Variants in DLG2 observed in about 807,000 individuals in gnomAD.
DLG2 encodes disks large homolog 2.
In DLG2, 45 loss-of-function variants were observed where a neutral mutation model predicts 132.5. That is an observed-to-expected ratio of 0.34 (90% CI 0.27 to 0.44). DLG2 has a LOEUF of 0.44. Ranked by LOEUF, DLG2 falls within the 20% of genes least tolerant of loss-of-function variation. The pLI is 1.00. For missense variants in DLG2, 1,045 were observed against 1,196.9 expected (o/e 0.87, Z 1.87); for synonymous variants, 424 against 419.6 (o/e 1.01, Z -0.13).
chr11:83,917,774 T>C (rs1269156603), intron 15 of DLG2, among the ~76,000 whole-genome samples: 3 of 152,238 alleles, frequency 2.0e-5, no homozygotes, highest in Non-Finnish European at 4.4e-5. Context: ...GAATGTCTAC[T>C]ACGTGCTCAT....
intron 17 of DLG2, among the ~76,000 whole-genome samples, chr11:83,789,305 TAA>T (rs2040859058): frequency 8.8e-6 from 1 of 113,474 alleles, no homozygotes; most frequent in African/African-American, 3.4e-5. Context: ...ATGGGCCATT[TAA>T]AAAGACATAG....
At chr11:85,533,493 T>G (rs1179181361) in intron 3 of DLG2, among the ~76,000 whole-genome samples, 1 of 149,488 alleles carries the variant, frequency 6.7e-6, no homozygotes, top group African/African-American at 2.4e-5. Flanking sequence ...TTTTAATAGC[T>G]GAATAGCATT....
At chr11:83,626,762 A>G (rs1388987821) in intron 19 of DLG2, among the ~76,000 whole-genome samples, 2 of 152,176 alleles carry the variant, frequency 1.3e-5, no homozygotes, top group East Asian at 1.9e-4. Context: ...GGCCTACTGT[A>G]TATGCAGTGA....
At chr11:85,480,894 A>G (rs964732880) in intron 3 of DLG2, among the ~76,000 whole-genome samples, 13 of 152,246 alleles carry the variant, frequency 8.5e-5, no homozygotes, top group Non-Finnish European at 1.9e-4. Context: ...CCACATGCAC[A>G]TTTAAGTAAA....
chr11:85,043,389 T>C (rs2154150819), intron 6 of DLG2, among the ~76,000 whole-genome samples: 1 of 151,980 alleles, frequency 6.6e-6, no homozygotes, highest in African/African-American at 2.4e-5. Flanking sequence ...TAAATACATA[T>C]TGTTTAAATA....
At chr11:83,523,091 A>T (rs1263735355) in intron 21 of DLG2, among the ~76,000 whole-genome samples, 1 of 152,176 alleles carries the variant, frequency 6.6e-6, no homozygotes, top group Non-Finnish European at 1.5e-5. Flanking sequence ...TTTAGCTTTG[A>T]GATAGTTAAA....
rs186430005 is a variant in DLG2, at chr11:84,782,941, A to G, written c.358-248210T>C. On this transcript the variant is annotated intron_variant, in intron 6 of 27. Transcript: ENST00000376104. ...ATCCTCACATATGAGAAACTGCAGT[A>G]GCATCGTGTAGCATCTTGCTGTTTC... is the stretch of plus-strand genomic sequence containing the variant. 2.0e-5 allele frequency among the ~76,000 whole-genome samples: 3 copies of G among 152,268 alleles called. No homozygotes were observed. The East Asian group carries it at 5.8e-4, about 29-fold the overall frequency.
chr11:84,532,803 G>T (rs2099346048), intron 7 of DLG2, among the ~76,000 whole-genome samples: 2 of 152,106 alleles, frequency 1.3e-5, no homozygotes, highest in African/African-American at 2.4e-5. Context: ...ATCTATGGAG[G>T]TTCTTATAGG....
chr11:85,022,561 C>T (rs559529709), intron 6 of DLG2, among the ~76,000 whole-genome samples: 1 of 152,154 alleles, frequency 6.6e-6, no homozygotes, highest in South Asian at 2.1e-4. Flanking sequence ...GCAAGCTATA[C>T]TGTGTACTAG....
Position 84,848,232 on chromosome 11 carries a change from G to A in DLG2, c.357+263429C>T, listed in dbSNP as rs375111112. On this transcript the variant is annotated intron_variant, in intron 6 of 27. Coordinates refer to ENST00000376104, the MANE Select transcript of DLG2 (RefSeq NM_001142699.3). ...GTGACGGCCTGGTGTGGTGGCTCAC[G>A]CTTGTAATCCCAGCACTTTGGGAGG... is the stretch of plus-strand genomic sequence containing the variant. Among the ~76,000 whole-genome samples the A allele has an allele frequency of 1.2e-4, 19 of 152,146 alleles. No individual in the cohort carries two copies. The East Asian group carries it at 1.6e-3, about 12-fold the overall frequency.
intron 7 of DLG2, among the ~76,000 whole-genome samples, chr11:84,290,126 G>T (rs1000135438): frequency 6.6e-6 from 1 of 152,100 alleles, no homozygotes; most frequent in African/African-American, 2.4e-5. Context: ...TCAGATCATG[G>T]TCTTCACTGA....
At chr11:85,162,724 T>A (rs538570170) in intron 4 of DLG2, among the ~76,000 whole-genome samples, 2 of 152,212 alleles carry the variant, frequency 1.3e-5, no homozygotes, top group African/African-American at 4.8e-5. Flanking sequence ...AGTTGTATTA[T>A]GTTAGATGTA....
At chr11:84,091,547 A>C (rs1024936689) in intron 10 of DLG2, among the ~76,000 whole-genome samples, 2 of 152,200 alleles carry the variant, frequency 1.3e-5, no homozygotes, top group Non-Finnish European at 2.9e-5. Context: ...TGGGTGTGAC[A>C]GTATTACCGG....
intron 10 of DLG2, among the ~76,000 whole-genome samples, chr11:84,086,097 C>T (rs918216545): frequency 1.3e-5 from 2 of 152,192 alleles, no homozygotes; most frequent in Admixed American, 6.5e-5. Flanking sequence ...TTACACCATA[C>T]AGACATGGAG....
intron 5 of DLG2, among the ~76,000 whole-genome samples, chr11:85,121,765 A>C (rs2074346037): frequency 1.3e-5 from 2 of 152,186 alleles, no homozygotes; most frequent in African/African-American, 4.8e-5. Context: ...GCTGTCTCTT[A>C]ACTGAATAGT....
In DLG2 at chr11:83,839,860, T is replaced by G. The variant is rs373912908; in HGVS notation, c.1566-6090A>C. On this transcript the variant is annotated intron_variant, in intron 16 of 27. Coordinates refer to ENST00000376104, the MANE Select transcript of DLG2 (RefSeq NM_001142699.3). Reference sequence around the variant, plus strand: ...TGCCTTGCACTCTTCTCTCTCTGAATGTCATGGTATCTACTCCAACCCCTT... The same window carrying G: ...TGCCTTGCACTCTTCTCTCTCTGAAGGTCATGGTATCTACTCCAACCCCTT... Among the ~76,000 whole-genome samples, 15 of 152,352 alleles carry G rather than the reference T, an allele frequency of 9.8e-5. No individual in the cohort carries two copies. In the East Asian group the frequency reaches 2.9e-3, roughly 29 times the overall value.
intron 6 of DLG2, among the ~76,000 whole-genome samples, chr11:84,723,906 CATAAT>C (rs2062108171): frequency 6.6e-6 from 1 of 152,074 alleles, no homozygotes; most frequent in Non-Finnish European, 1.5e-5. Context: ...AAAATGGACT[CATAAT>C]TACAAAAAAC....
intron 6 of DLG2, among the ~76,000 whole-genome samples, chr11:84,855,899 A>G (rs1167809845): frequency 6.6e-6 from 1 of 152,000 alleles, no homozygotes; most frequent in Non-Finnish European, 1.5e-5. Flanking sequence ...AAACGTGGAA[A>G]TTTCATAGAA....
intron 3 of DLG2, among the ~76,000 whole-genome samples, chr11:85,502,311 A>C (rs2093823023): frequency 6.6e-6 from 1 of 151,832 alleles, no homozygotes; most frequent in Non-Finnish European, 1.5e-5. Flanking sequence ...AGAAATACCT[A>C]CTGTAGGTGA....
Sources: allele counts gnomAD v4.1 joint callset (sites outside exome capture counted in the v4.1 genomes callset), GRCh38; gene constraint gnomAD v4.1.1; transcripts MANE v1.5; gene names NCBI Gene and HGNC (gene_info 2026-07-23, HGNC 2026-07-21).